PLCB1: variants seen among roughly 807,000 people sequenced by gnomAD.
PLCB1 encodes the protein phospholipase C beta 1, also known as 1-phosphatidylinositol 4,5-bisphosphate phosphodiesterase beta-1.
A neutral mutation model predicts 161.8 loss-of-function variants in PLCB1; 46 were observed. That is an observed-to-expected ratio of 0.28 (90% CI 0.22 to 0.36). PLCB1 has a LOEUF of 0.36. Among genes scored for constraint, PLCB1 ranks in the 10% least tolerant of loss-of-function variants. The pLI is 1.00. For missense variants in PLCB1, 1,016 were observed against 1,472.5 expected (o/e 0.69, Z 5.07); for synonymous variants, 517 against 503.7 (o/e 1.03, Z -0.35).
At chr20:8,530,920 C>T (rs1288303275) in intron 3 of PLCB1, among the ~76,000 whole-genome samples, 1 of 152,024 alleles carries the variant, frequency 6.6e-6, no homozygotes, top group Non-Finnish European at 1.5e-5. Context: ...AAGTTTGCTA[C>T]ATACCAAATT....
intron 2 of PLCB1, among the ~76,000 whole-genome samples, chr20:8,224,859 G>A (rs138820035): frequency 1.8e-4 from 28 of 152,164 alleles, no homozygotes; most frequent in Admixed American, 3.3e-4. Context: ...GTTTCGTCTG[G>A]TTTTGAACTT....
intron 11 of PLCB1, among the ~76,000 whole-genome samples, chr20:8,702,868 TTC>T (rs1978447725): frequency 6.6e-6 from 1 of 152,248 alleles, no homozygotes; most frequent in South Asian, 2.1e-4. Flanking sequence ...AGCATGAAAG[TTC>T]TCCAGTGGAA....
intron 3 of PLCB1, among the ~76,000 whole-genome samples, chr20:8,607,005 T>G (rs1470256508): frequency 6.6e-6 from 1 of 152,184 alleles, no homozygotes; most frequent in African/African-American, 2.4e-5. Context: ...TGGTTCCCAA[T>G]TCTAAATCCA....
chr20:8,691,547 C>G (rs889349856), intron 10 of PLCB1, among the ~76,000 whole-genome samples: 1 of 152,144 alleles, frequency 6.6e-6, no homozygotes, highest in African/African-American at 2.4e-5. Context: ...CTCCTTGTCA[C>G]CACCCAACTT....
At chr20:8,460,932 A>C (rs138959396) in intron 3 of PLCB1, among the ~76,000 whole-genome samples, 264 of 152,286 alleles carry the variant, frequency 1.7e-3, no homozygotes, top group African/African-American at 6.0e-3. Flanking sequence ...AGTGCTGTCT[A>C]ATAGAACTTT....
At chr20:8,548,181 A>C (rs1985627897) in intron 3 of PLCB1, among the ~76,000 whole-genome samples, 1 of 131,030 alleles carries the variant, frequency 7.6e-6, no homozygotes, top group South Asian at 2.4e-4. Context: ...CTTTCTCACC[A>C]TTAGCTTTCT....
intron 4 of PLCB1, among the ~76,000 whole-genome samples, chr20:8,629,888 T>G (rs1988501740): frequency 1.1e-5 from 1 of 94,506 alleles, no homozygotes; most frequent in Non-Finnish European, 2.3e-5. Flanking sequence ...TCTCTCTCTT[T>G]CTTTTCTTTC....
intron 2 of PLCB1, among the ~76,000 whole-genome samples, chr20:8,267,650 A>G (rs1568611321): frequency 6.6e-6 from 1 of 152,126 alleles, no homozygotes; most frequent in Non-Finnish European, 1.5e-5. Context: ...TTGTTTTTTT[A>G]AAGCAAAAAA....
At chr20:8,680,763 TCACA>T (rs1451901442) in intron 9 of PLCB1, among the ~76,000 whole-genome samples, 1 of 152,078 alleles carries the variant, frequency 6.6e-6, no homozygotes, top group African/African-American at 2.4e-5. Flanking sequence ...TAAATTATCC[TCACA>T]CTCACTCACC....
At chr20:8,421,766 G>T (rs983830548) in intron 3 of PLCB1, among the ~76,000 whole-genome samples, 1 of 152,112 alleles carries the variant, frequency 6.6e-6, no homozygotes, top group African/African-American at 2.4e-5. Flanking sequence ...TTAGACGAAC[G>T]GCATCAGCAT....
intron 3 of PLCB1, among the ~76,000 whole-genome samples, chr20:8,435,169 T>C (rs550445896): frequency 5.3e-5 from 8 of 152,338 alleles, no homozygotes; most frequent in Admixed American, 4.6e-4. Context: ...CAACACTGCC[T>C]AGTTCTTGTG....
intron 6 of PLCB1, among the ~76,000 whole-genome samples, chr20:8,648,931 AC>A (rs1190660662): frequency 7.0e-6 from 1 of 143,668 alleles, no homozygotes; most frequent in African/African-American, 2.6e-5. Context: ...ACAATGTGAG[AC>A]CCTGTCTCTA....
At chr20:8,645,417 G>A (rs1237452203) in intron 4 of PLCB1, among the ~76,000 whole-genome samples, 1 of 152,214 alleles carries the variant, frequency 6.6e-6, no homozygotes, top group Admixed American at 6.5e-5. Flanking sequence ...GGAGAATTTT[G>A]TAGGGGTTTC....
intron 3 of PLCB1, among the ~76,000 whole-genome samples, chr20:8,531,455 TA>T (rs1397269131): frequency 1.3e-5 from 2 of 152,104 alleles, no homozygotes; most frequent in African/African-American, 4.8e-5. Flanking sequence ...GTAATATATA[TA>T]ATATGTATAT....
chr20:8,179,958 G>A (rs2423348), intron 2 of PLCB1, among the ~76,000 whole-genome samples: 2,015 of 140,598 alleles, frequency 0.014, 22 homozygotes, highest in Non-Finnish European at 0.021. Flanking sequence ...TCCCGGGTTC[G>A]CACCATTCTC....
In PLCB1 at chr20:8,708,704, A is replaced by G; in HGVS notation, c.1202A>G (p.Lys401Arg). The G allele has an allele frequency of 6.2e-7, 1 of 1,613,428 alleles. No homozygotes were observed. The highest frequency in any genetic ancestry group is 1.1e-5 in the South Asian group (1 of 91,046). ...VIEAIAECAF[K>R]TSPFPILLSF... ...GAAGCAATTGCGGAGTGTGCATTTA[A>G]GACTTCACCTTTTCCAATTCTCCTT... is the stretch of plus-strand genomic sequence containing the variant. The change falls in exon 12 of 32, where the codon AAG (lysine) becomes AGG (arginine). Residue 401 changes from lysine to arginine, a missense_variant. Physicochemically the swap from Lys to Arg is conservative, Grantham distance 26 (BLOSUM62 2). Coordinates refer to ENST00000338037, the MANE Select transcript of PLCB1 (RefSeq NM_015192.4).
At chr20:8,795,700 A>T (rs1468860983) in intron 31 of PLCB1, among the ~76,000 whole-genome samples, 1 of 150,970 alleles carries the variant, frequency 6.6e-6, no homozygotes, top group Non-Finnish European at 1.5e-5. Context: ...ACATGGGGAA[A>T]CCCCATCTCT....
intron 31 of PLCB1, among the ~76,000 whole-genome samples, chr20:8,865,259 G>C (rs1987388060): frequency 6.6e-6 from 1 of 152,106 alleles, no homozygotes; most frequent in Admixed American, 6.6e-5. Context: ...TAGTTATAAG[G>C]TAGTTATAAA....
At chr20:8,421,754 C>T (rs1387880342) in intron 3 of PLCB1, among the ~76,000 whole-genome samples, 1 of 152,142 alleles carries the variant, frequency 6.6e-6, no homozygotes, top group Non-Finnish European at 1.5e-5. Context: ...AACATATGGT[C>T]CTTAGACGAA....
Sources: allele counts gnomAD v4.1 joint callset (sites outside exome capture counted in the v4.1 genomes callset), GRCh38; gene constraint gnomAD v4.1.1; transcripts MANE v1.5; gene names NCBI Gene and HGNC (gene_info 2026-07-23, HGNC 2026-07-21).